Variants in PITPNC1 observed in about 807,000 individuals in gnomAD.
PITPNC1 encodes the protein cytoplasmic phosphatidylinositol transfer protein 1.
Under a neutral mutation model 44.7 loss-of-function variants are expected in PITPNC1, and 18 were observed. The observed-to-expected ratio is 0.40, with a 90% CI of 0.28 to 0.60. PITPNC1 has a LOEUF of 0.60. Among genes scored for constraint, PITPNC1 ranks in the 20% least tolerant of loss-of-function variants. The pLI is 0.39. For missense variants in PITPNC1, 290 were observed against 418.4 expected (o/e 0.69, Z 2.68); for synonymous variants, 141 against 149.6 (o/e 0.94, Z 0.42).
intron 1 of PITPNC1, among the ~76,000 whole-genome samples, chr17:67,502,959 G>T (rs1056969344): frequency 6.6e-6 from 1 of 151,952 alleles, no homozygotes; most frequent in African/African-American, 2.4e-5. Context: ...ACTACGCCCA[G>T]CTAATTTTTG....
chr17:67,395,258 A>G (rs1009853196), intron 1 of PITPNC1, among the ~76,000 whole-genome samples: 1 of 151,004 alleles, frequency 6.6e-6, no homozygotes, highest in African/African-American at 2.4e-5. Flanking sequence ...GGCTCATGCT[A>G]TCCTCCTGAG....
chr17:67,536,221 C>T (rs774993808), intron 2 of PITPNC1, among the ~76,000 whole-genome samples: 3 of 152,106 alleles, frequency 2.0e-5, no homozygotes, highest in Non-Finnish European at 4.4e-5. Flanking sequence ...CTTTAAGGTG[C>T]TAATATTGTT....
At chr17:67,468,203 A>G (rs2039455106) in intron 1 of PITPNC1, among the ~76,000 whole-genome samples, 1 of 152,126 alleles carries the variant, frequency 6.6e-6, no homozygotes, top group Non-Finnish European at 1.5e-5. Context: ...TAGTACAACC[A>G]CCAGCTGATG....
Position 67,486,356 on chromosome 17 carries a change from C to T in PITPNC1, c.49-46446C>T, listed in dbSNP as rs141826348. 3.0e-3 allele frequency among the ~76,000 whole-genome samples: 460 copies of T among 152,230 alleles called. 2 individuals are homozygous for T. Among genetic ancestry groups the T allele is most frequent in the African/African-American group, 0.011 (443 of 41,542 alleles). On this transcript the variant is annotated intron_variant, in intron 1 of 8. Transcript: ENST00000581322. Reference sequence around the variant, plus strand: ...AAGGAAGGAATAGGCTATTCTATTACATCTGATGCTTAGCCTGCCTTTAAT... The same window carrying T: ...AAGGAAGGAATAGGCTATTCTATTATATCTGATGCTTAGCCTGCCTTTAAT...
rs2041850441 is a variant in PITPNC1, at chr17:67,622,829, G to A, written c.367-9314G>A. On this transcript the variant is annotated intron_variant, in intron 5 of 8. Transcript: ENST00000581322. ...AGGCAGAGGTTGCAGTCACGCCAATGCATTCCAGCCTGGGTGACAGAGCAA... is the reference window on the plus strand; with the variant it reads ...AGGCAGAGGTTGCAGTCACGCCAATACATTCCAGCCTGGGTGACAGAGCAA... Among the ~76,000 whole-genome samples, 3 of 151,708 alleles carry A rather than the reference G, an allele frequency of 2.0e-5. No individual in the cohort carries two copies. In the South Asian group the frequency reaches 6.2e-4, roughly 32 times the overall value.
chr17:67,510,051 T>C (rs1290381696), intron 1 of PITPNC1, among the ~76,000 whole-genome samples: 1 of 152,206 alleles, frequency 6.6e-6, no homozygotes, highest in Non-Finnish European at 1.5e-5. Context: ...AGGAGGTTCC[T>C]CCTATTGGGA....
chr17:67,651,473 A>G (rs1265883827), intron 6 of PITPNC1, among the ~76,000 whole-genome samples: 3 of 151,922 alleles, frequency 2.0e-5, no homozygotes, highest in South Asian at 2.1e-4. Flanking sequence ...AGATTGCACC[A>G]TTGCTCTCTA....
rs1297346445 is a variant in PITPNC1, at chr17:67,425,198, C to T, written c.48+46996C>T. Among the ~76,000 whole-genome samples the T allele has an allele frequency of 3.5e-4, 8 of 22,782 alleles. 2 individuals are homozygous for T. The South Asian group carries it at 4.5e-3, about 13-fold the overall frequency. 14.9% of individuals were successfully genotyped at this position (22,782 alleles called of 152,430 possible). ...AACAGCCATGTTGTGCGCGCGCACGCACACGCACACACACACACACACACA... is the reference window on the plus strand; with the variant it reads ...AACAGCCATGTTGTGCGCGCGCACGTACACGCACACACACACACACACACA... On this transcript the variant is annotated intron_variant, in intron 1 of 8. Transcript: ENST00000581322.
At chr17:67,392,002 G>A (rs1038187061) in intron 1 of PITPNC1, among the ~76,000 whole-genome samples, 2 of 151,822 alleles carry the variant, frequency 1.3e-5, no homozygotes, top group Non-Finnish European at 2.9e-5. Context: ...TTTGTATTTC[G>A]TGCTCTAAAA....
At chr17:67,641,570 G>A (rs973848436) in intron 6 of PITPNC1, among the ~76,000 whole-genome samples, 14 of 152,066 alleles carry the variant, frequency 9.2e-5, no homozygotes, top group African/African-American at 2.9e-4. Context: ...GCCAAGGCAG[G>A]CAGATCGCTT....
At chr17:67,432,631 G>T (rs2038874142) in intron 1 of PITPNC1, among the ~76,000 whole-genome samples, 1 of 152,194 alleles carries the variant, frequency 6.6e-6, no homozygotes, top group Non-Finnish European at 1.5e-5. Flanking sequence ...AAGCCAAAAA[G>T]TCCTCTTATT....
intron 1 of PITPNC1, among the ~76,000 whole-genome samples, chr17:67,414,796 G>A (rs936580710): frequency 6.6e-6 from 1 of 152,158 alleles, no homozygotes; most frequent in Non-Finnish European, 1.5e-5. Context: ...AAAGGGGAAG[G>A]TCCAGTTGAA....
At chr17:67,621,469 A>G (rs768690875) in intron 5 of PITPNC1, among the ~76,000 whole-genome samples, 90 of 152,246 alleles carry the variant, frequency 5.9e-4, no homozygotes, top group Non-Finnish European at 1.1e-3. Context: ...TGGCCTCCCA[A>G]AGTGTTTGGA....
chr17:67,377,348 T>G lies in PITPNC1; in HGVS notation c.-807T>G, dbSNP rs1003377386. ...GACGCTCCGGCCCCGGCGAGGTGGC[T>G]GCAAACTCGCGGGCACGCACGGCGC... On this transcript the variant is annotated 5_prime_UTR_variant, in exon 1 of 9. Transcript: ENST00000581322. The G allele has an allele frequency of 6.6e-6, 1 of 152,020 alleles. No homozygotes were observed. The highest frequency in any genetic ancestry group is 2.4e-5 in the African/African-American group (1 of 41,408). 9.4% of individuals were successfully genotyped at this position (152,020 alleles called of 1,614,324 possible). A position where few individuals can be genotyped will look rare whatever the true frequency, so the allele number is the denominator to read the frequency against.
At chr17:67,607,553 A>G (rs564959650) in intron 5 of PITPNC1, among the ~76,000 whole-genome samples, 21 of 152,274 alleles carry the variant, frequency 1.4e-4, no homozygotes, top group African/African-American at 5.1e-4. Flanking sequence ...GAAAATTTCA[A>G]ACCTACAGAG....
At chr17:67,661,237 C>A (rs1468816330) in intron 6 of PITPNC1, among the ~76,000 whole-genome samples, 1 of 151,912 alleles carries the variant, frequency 6.6e-6, no homozygotes, top group African/African-American at 2.4e-5. Flanking sequence ...AATGGAAACA[C>A]AACCTGGCAA....
intron 1 of PITPNC1, among the ~76,000 whole-genome samples, chr17:67,404,683 A>G (rs971178056): frequency 2.6e-5 from 4 of 152,248 alleles, no homozygotes; most frequent in Non-Finnish European, 1.5e-5. Context: ...AGCACAAAGT[A>G]AAACATATTT....
intron 5 of PITPNC1, among the ~76,000 whole-genome samples, chr17:67,587,525 T>C (rs985172894): frequency 2.0e-5 from 3 of 152,066 alleles, no homozygotes; most frequent in African/African-American, 2.4e-5. Context: ...TGCATATGCA[T>C]ATGAATCTGG....
chr17:67,555,385 G>A (rs36022678), intron 4 of PITPNC1, among the ~76,000 whole-genome samples: 3,784 of 152,150 alleles, frequency 0.025, 58 homozygotes, highest in Middle Eastern at 0.051. Flanking sequence ...CCCAGGCAGC[G>A]GGTCAAATTT....
Sources: allele counts gnomAD v4.1 joint callset (sites outside exome capture counted in the v4.1 genomes callset), GRCh38; gene constraint gnomAD v4.1.1; transcripts MANE v1.5; gene names NCBI Gene and HGNC (gene_info 2026-07-23, HGNC 2026-07-21).